ATP12A: variants seen among roughly 807,000 people sequenced by gnomAD.
ATP12A encodes the protein ATPase H+/K+ transporting non-gastric alpha2 subunit, also known as potassium-transporting ATPase alpha chain 2.
In ATP12A, 81 loss-of-function variants were observed where a neutral mutation model predicts 111.2. The ratio of observed to expected loss-of-function variants is 0.73; its 90% confidence interval spans 0.61 to 0.88. The LOEUF (loss-of-function observed/expected upper bound fraction) is 0.88. Ranked by LOEUF, ATP12A falls within the 40% of genes least tolerant of loss-of-function variation. The pLI is 0.00. For missense variants in ATP12A, 1,196 were observed against 1,313.1 expected (o/e 0.91, Z 1.38); for synonymous variants, 498 against 499.8 (o/e 1.00, Z 0.05).
At chr13:24,709,584 G>T in intron 18 of ATP12A, 97 bp downstream of exon 18, 1 of 1,593,922 alleles carries the variant, frequency 6.3e-7, no homozygotes, top group Non-Finnish European at 8.6e-7. Context: ...TTCCTGTGGG[G>T]CCTGGGTTGG....
intron 1 of ATP12A, 62 bp downstream of exon 1, chr13:24,680,814 G>T: frequency 7.0e-7 from 1 of 1,437,118 alleles, no homozygotes; most frequent in South Asian, 1.4e-5. Context: ...CCGGGGACCG[G>T]AGCAGGCTGA....
At position 24,694,442 on chromosome 13, in the gene ATP12A, A is replaced by C. The variant is rs1393486459; in HGVS notation, c.1378-2A>C. The C allele has an allele frequency of 4.3e-6, 7 of 1,612,262 alleles. No individual in the cohort carries two copies. The highest frequency in any genetic ancestry group is 5.9e-6 in the Non-Finnish European group (7 of 1,179,540). On this transcript the variant is annotated splice_acceptor_variant, in intron 10 of 22. Coordinates refer to ENST00000381946, the MANE Select transcript of ATP12A (RefSeq NM_001676.7). LOFTEE classifies it high-confidence loss of function. The stretch of plus-strand genomic sequence containing the variant: ...CAAATATTTTTCTTCTTTGATTCCC[A>C]GAAAGCTGTGATTGGAGATGCCTCA...
chr13:24,695,623 T>TTTC (rs1196356775), intron 11 of ATP12A, among the ~76,000 whole-genome samples: 9 of 124,190 alleles, frequency 7.2e-5, no homozygotes, highest in East Asian at 2.8e-4. Flanking sequence ...TTTTTTTTTT[T>TTTC]TGAGAAGGAG....
chr13:24,708,363 G>A (rs545004914), intron 17 of ATP12A, among the ~76,000 whole-genome samples: 8 of 152,246 alleles, frequency 5.3e-5, no homozygotes, highest in African/African-American at 1.4e-4. Context: ...CTGGCCCTTC[G>A]AAGTGCCCCC....
intron 4 of ATP12A, 76 bp from the exon 5 acceptor site, chr13:24,689,186 G>C: frequency 8.6e-7 from 1 of 1,162,578 alleles, no homozygotes; most frequent in Non-Finnish European, 1.3e-6. Context: ...GCATCCTCCC[G>C]TGGAGAGCTC....
intron 10 of ATP12A, among the ~76,000 whole-genome samples, chr13:24,693,873 G>C (rs538479069): frequency 6.6e-6 from 1 of 152,182 alleles, no homozygotes; most frequent in Non-Finnish European, 1.5e-5. Context: ...GCCGATTACC[G>C]GCTGATTGGA....
intron 5 of ATP12A, 110 bp downstream of exon 5, chr13:24,689,485 T>TC: frequency 1.0e-5 from 9 of 896,088 alleles, no homozygotes; most frequent in Non-Finnish European, 1.6e-5. Context: ...TCCTTCCCTG[T>TC]CGGAGCAATC....
chr13:24,688,498 C>A lies in ATP12A; in HGVS notation c.408C>A (p.Ser136Arg), dbSNP rs369759214. 2 of 1,603,662 alleles carry A rather than the reference C, an allele frequency of 1.2e-6. No homozygotes were observed. Among genetic ancestry groups the A allele is most frequent in the South Asian group, 2.2e-5 (2 of 89,742 alleles). The stretch of plus-strand genomic sequence containing the variant: ...TTGCATATGGGATTCAGTACTCCAG[C>A]GACAAGTCTGCATCCCTGAACAACG... ...CWIAYGIQYSSDKSASLNNVY... is the reference protein window; with the variant it reads ...CWIAYGIQYSRDKSASLNNVY... The change falls in exon 4 of 23, where the codon AGC becomes AGA. Residue 136 changes from serine to arginine, a missense_variant. This residue lies in a region of ATP12A where 1,126 missense variants were observed against 1,228.5 expected (regional missense o/e 0.92). Transcript: ENST00000381946.
At chr13:24,697,560 A>G (rs1000972094) in intron 11 of ATP12A, among the ~76,000 whole-genome samples, 1 of 149,254 alleles carries the variant, frequency 6.7e-6, no homozygotes, top group African/African-American at 2.5e-5. Flanking sequence ...GGATTGCTTG[A>G]GCCTGGGAGG....
At chr13:24,684,898 C>T (rs1464774403) in intron 2 of ATP12A, among the ~76,000 whole-genome samples, 2 of 152,200 alleles carry the variant, frequency 1.3e-5, no homozygotes, top group African/African-American at 4.8e-5. Flanking sequence ...TGTGCCAGCC[C>T]AGGAAGCGGT....
intron 17 of ATP12A, among the ~76,000 whole-genome samples, 161 bp downstream of exon 17, chr13:24,707,594 C>T (rs954873215): frequency 6.6e-6 from 1 of 152,174 alleles, no homozygotes; most frequent in Admixed American, 6.5e-5. Flanking sequence ...TCAGGTGGTG[C>T]CCATTCTACC....
chr13:24,689,449 G>A (rs1874789560), intron 5 of ATP12A, 74 bp downstream of exon 5: 1 of 1,287,732 alleles, frequency 7.8e-7, no homozygotes, highest in Non-Finnish European at 1.1e-6. Context: ...AGGGGCACAG[G>A]GCCCTGAGGG....
chr13:24,707,700 C>A (rs937289297), intron 17 of ATP12A, among the ~76,000 whole-genome samples: 9 of 152,088 alleles, frequency 5.9e-5, no homozygotes, highest in African/African-American at 2.2e-4. Context: ...TTTCTTGAGA[C>A]AGAGTTTCAC....
rs1874383612 is a variant in ATP12A, at chr13:24,680,460, G to A, written c.-284G>A. The A allele has an allele frequency of 2.4e-6, 1 of 423,994 alleles. No individual in the cohort carries two copies. The highest frequency in any genetic ancestry group is 4.2e-6 in the Non-Finnish European group (1 of 239,142). 26.3% of individuals were successfully genotyped at this position (423,994 alleles called of 1,614,324 possible). A position where few individuals can be genotyped will look rare whatever the true frequency, so the allele number is the denominator to read the frequency against. On this transcript the variant is annotated 5_prime_UTR_variant, in exon 1 of 23. Coordinates refer to ENST00000381946, the MANE Select transcript of ATP12A (RefSeq NM_001676.7). ...GCTGTCGGTCCCCCTCCCTGCGCGCGCGCCGGCGGGTTTCCTACCCTCCGA... is the reference window on the plus strand; with the variant it reads ...GCTGTCGGTCCCCCTCCCTGCGCGCACGCCGGCGGGTTTCCTACCCTCCGA...
At chr13:24,696,133 G>A (rs1875141583) in intron 11 of ATP12A, among the ~76,000 whole-genome samples, 1 of 152,052 alleles carries the variant, frequency 6.6e-6, no homozygotes, top group Admixed American at 6.5e-5. Context: ...GTGATAATAG[G>A]AGCTATTCTG....
chr13:24,684,834 A>T (rs2137689108), intron 2 of ATP12A, among the ~76,000 whole-genome samples: 1 of 152,258 alleles, frequency 6.6e-6, no homozygotes, highest in Admixed American at 6.5e-5. Flanking sequence ...TCACAGCTTG[A>T]GTGAGGGAAG....
At position 24,692,788 on chromosome 13, in the gene ATP12A, C is replaced by G. The variant is rs202206800; in HGVS notation, c.1269C>G (p.Asn423Lys). 89 of 1,613,872 alleles carry G rather than the reference C, an allele frequency of 5.5e-5. No individual in the cohort carries two copies. Among genetic ancestry groups the G allele is most frequent in the Non-Finnish European group, 6.8e-5 (80 of 1,179,874 alleles). Residue 423 changes from asparagine to lysine, a missense_variant and splice_region_variant, in exon 10 of 23, where the codon AAC becomes AAG. Coordinates refer to ENST00000381946, the MANE Select transcript of ATP12A (RefSeq NM_001676.7). ...FVADTSEDHS[N>K]QVFDQSSRTW... ...CACTGTTCTTTCTCTGTCTTCCAGACCAAGTCTTTGACCAAAGCTCTAGGA... is the reference window on the plus strand; with the variant it reads ...CACTGTTCTTTCTCTGTCTTCCAGAGCAAGTCTTTGACCAAAGCTCTAGGA...
At chr13:24,711,164 A>C (rs1385134994) in intron 21 of ATP12A, among the ~76,000 whole-genome samples, 154 bp from the exon 22 acceptor site, 1 of 152,242 alleles carries the variant, frequency 6.6e-6, no homozygotes, top group Non-Finnish European at 1.5e-5. Context: ...AGGTTAAACA[A>C]GGAGCTTTCC....
chr13:24,687,333 C>T (rs8000659), intron 3 of ATP12A, among the ~76,000 whole-genome samples: 56,341 of 151,772 alleles, frequency 0.37, 10,874 homozygotes, highest in East Asian at 0.62. Context: ...GTGTGGTGGC[C>T]GCTGCCTGTA....
Sources: gnomAD v4.1 joint callset for allele counts (sites outside exome capture counted in the v4.1 genomes callset) on GRCh38, gnomAD v4.1.1 for gene constraint, gnomAD v4.1.1 regional missense constraint, MANE v1.5 for transcripts, NCBI Gene and HGNC (gene_info 2026-07-23, HGNC 2026-07-21) for gene names.